Variants in DST observed in about 807,000 individuals in gnomAD.
The protein encoded by DST is bullous pemphigoid antigen.
DST carries 253 observed loss-of-function variants against 875.2 expected under a neutral mutation model. That is an observed-to-expected ratio of 0.29 (90% CI 0.26 to 0.32). The LOEUF (loss-of-function observed/expected upper bound fraction) is 0.32, where lower values mean the gene tolerates loss of function less well. DST is among the 10% of genes least tolerant of loss of function. The pLI is 1.00. For missense variants in DST, 8,287 were observed against 9,111.6 expected, an observed-to-expected ratio of 0.91 and a Z score of 3.68; for synonymous variants, 3,124 against 3,197.1, an observed-to-expected ratio of 0.98 and a Z score of 0.77.
At chr6:56,832,725 CTAAG>C (rs1196304444) in intron 4 of DST, among the ~76,000 whole-genome samples, 1 of 151,770 alleles carries the variant, frequency 6.6e-6, no homozygotes, top group Non-Finnish European at 1.5e-5. Flanking sequence ...TTTTTATCTA[CTAAG>C]TATTTTCAAT....
chr6:56,579,010 T>C lies in DST; in HGVS notation c.12904-73A>G, dbSNP rs1585407018. ...AGATTTCTAATGTGGAAAAAATGATTTCTAATAAGATAAAGTAAAATTGGA... is the reference window on the plus strand; with the variant it reads ...AGATTTCTAATGTGGAAAAAATGATCTCTAATAAGATAAAGTAAAATTGGA... On this transcript the variant is annotated intron_variant, in intron 49 of 103. Transcript: ENST00000680361. 3.1e-6 allele frequency: 4 copies of C among 1,304,802 alleles called. No homozygotes were observed. The East Asian group carries it at 7.8e-5, about 26-fold the overall frequency. The allele number at this position is 1,304,802 out of a possible 1,614,324, so 80.8% of individuals were successfully genotyped here. A position where few individuals can be genotyped will look rare whatever the true frequency, so the allele number is the denominator to read the frequency against.
chr6:56,932,704 T>C (rs1024080574), intron 2 of DST, among the ~76,000 whole-genome samples: 7 of 151,962 alleles, frequency 4.6e-5, no homozygotes, highest in African/African-American at 1.7e-4. Flanking sequence ...CACAAGGCTA[T>C]GGATACAAGA....
intron 86 of DST, among the ~76,000 whole-genome samples, chr6:56,488,451 C>T (rs2095634262): frequency 6.6e-6 from 1 of 152,152 alleles, no homozygotes; most frequent in South Asian, 2.1e-4. Flanking sequence ...TCACTGTGCT[C>T]CCAATATTGA....
In DST at chr6:56,629,205, T is replaced by C. The variant is rs377068568; in HGVS notation, c.4475+45A>G. The stretch of plus-strand genomic sequence containing the variant: ...GTAGATTTTACTCATTTACCATAGA[T>C]AGACATTAAATCTGTGCTAAAACTG... On this transcript the variant is annotated intron_variant, in intron 32 of 103. Transcript: ENST00000680361. 3.5e-5 allele frequency: 56 copies of C among 1,585,916 alleles called. No homozygotes were observed. The African/African-American group carries it at 3.9e-4, about 11-fold the overall frequency.
intron 102 of DST, among the ~76,000 whole-genome samples, chr6:56,462,339 A>G (rs1007204262): frequency 2.0e-5 from 3 of 152,196 alleles, no homozygotes; most frequent in African/African-American, 7.2e-5. Flanking sequence ...ATTTTATATC[A>G]CCTAAATATC....
chr6:56,481,909 A>C (rs2095414938), intron 90 of DST, 141 bp downstream of exon 90: 1 of 899,612 alleles, frequency 1.1e-6, no homozygotes, highest in Non-Finnish European at 1.7e-6. Flanking sequence ...TGTGGACAGA[A>C]GTACACTCTC....
At chr6:56,767,524 C>T (rs55667209) in intron 4 of DST, among the ~76,000 whole-genome samples, 8 of 151,832 alleles carry the variant, frequency 5.3e-5, no homozygotes, top group South Asian at 4.2e-4. Context: ...AGCTGAGATA[C>T]GAGAATTGCT....
chr6:56,645,723 T>G, intron 15 of DST, 143 bp downstream of exon 15: 2 of 953,010 alleles, frequency 2.1e-6, no homozygotes, highest in Non-Finnish European at 3.1e-6. Flanking sequence ...TAGAAGAGTT[T>G]CTAGGTAAGA....
chr6:56,607,851 T>C lies in DST; in HGVS notation c.6777A>G (p.Val2259=), dbSNP rs560909625. ...CTCTACCTGAAGCATTATTAAGAAA[T>C]ACACCAGATGAGCTTAAGACATCGA... The part of the protein sequence containing the change: ...ECLDVLSSSG[V]FLNNASGREK... Residue 2259 remains valine (V), a synonymous_variant, in exon 40 of 104, where the codon GTA becomes GTG. Transcript: ENST00000680361. 39 of 1,613,632 alleles carry C rather than the reference T, an allele frequency of 2.4e-5. No individual in the cohort carries two copies. In the Admixed American group the frequency reaches 4.5e-4, roughly 19 times the overall value.
chr6:56,812,226 T>C (rs2099761256), intron 4 of DST, among the ~76,000 whole-genome samples: 3 of 152,052 alleles, frequency 2.0e-5, no homozygotes, highest in Non-Finnish European at 2.9e-5. Flanking sequence ...GGATAGCATG[T>C]TTTTTAAACA....
chr6:56,624,535 C>G lies in DST; in HGVS notation c.4924G>C (p.Glu1642Gln). The G allele has an allele frequency of 1.2e-6, 2 of 1,607,074 alleles. No homozygotes were observed. Among genetic ancestry groups the G allele is most frequent in the Non-Finnish European group, 1.7e-6 (2 of 1,174,114 alleles). The change falls in exon 36 of 104, where the codon GAG becomes CAG. Residue 1642 changes from glutamate to glutamine, a missense_variant. By Grantham distance (29) the Glu-to-Gln change is conservative. Coordinates refer to ENST00000680361, the MANE Select transcript of DST (RefSeq NM_001374736.1). ...TGCTCACTGTTAATGATTACCTCCT[C>G]CTCTTCCAGCCTCTTCAATGAATCA... is the stretch of plus-strand genomic sequence containing the variant. ...AGDSLKRLEE[E>Q]EKSLEEEKKE... is the part of the protein sequence containing the mutation.
chr6:56,584,718 T>C (rs1373504070), intron 49 of DST, among the ~76,000 whole-genome samples: 1 of 152,130 alleles, frequency 6.6e-6, no homozygotes, highest in Non-Finnish European at 1.5e-5. Flanking sequence ...CAGTATGATA[T>C]TGGCTGTGGG....
intron 9 of DST, among the ~76,000 whole-genome samples, chr6:56,679,809 C>T (rs999954312): frequency 6.6e-6 from 1 of 151,972 alleles, no homozygotes; most frequent in African/African-American, 2.4e-5. Context: ...AAACTACCTA[C>T]CCTACCACAT....
rs1471852821 is a variant in DST at position 56,785,815 on chromosome 6, G to A, written c.626-50526C>T. The A allele has an allele frequency of 2.5e-5, 4 of 159,296 alleles. No individual in the cohort carries two copies. The South Asian group carries it at 6.0e-4, about 24-fold the overall frequency. 9.9% of individuals were successfully genotyped at this position (159,296 alleles called of 1,614,324 possible). ...ATCACCCGTCTTCTGCGTCGCTCAC[G>A]CTGGGAGATGCAGACCGGAGCTGTT... is the stretch of plus-strand genomic sequence containing the variant. On this transcript the variant is annotated intron_variant, in intron 4 of 103. Coordinates refer to ENST00000680361, the MANE Select transcript of DST (RefSeq NM_001374736.1).
intron 3 of DST, among the ~76,000 whole-genome samples, chr6:56,887,859 A>G (rs537491652): frequency 1.7e-4 from 26 of 152,302 alleles, no homozygotes; most frequent in African/African-American, 6.0e-4. Context: ...CATTCAATAC[A>G]GTCTACCTAC....
At chr6:56,769,819 C>T (rs2099644619) in intron 4 of DST, among the ~76,000 whole-genome samples, 1 of 152,124 alleles carries the variant, frequency 6.6e-6, no homozygotes, top group African/African-American at 2.4e-5. Context: ...AGTTGAGACC[C>T]CGTTTCACAA....
Position 56,460,122 on chromosome 6 carries a change from C to A in DST, c.23194+9G>T, listed in dbSNP as rs773585324. 4 of 1,604,248 alleles carry A rather than the reference C, an allele frequency of 2.5e-6. No individual in the cohort carries two copies. In the Admixed American group the frequency reaches 6.7e-5, roughly 27 times the overall value. On this transcript the variant is annotated intron_variant, in intron 103 of 103. Transcript: ENST00000680361. ...AAAGCCATTGAAAAAAGAAAGGCAC[C>A]ACACTCACCAGCAAACTGTGTTCGG... is the stretch of plus-strand genomic sequence containing the variant.
chr6:56,932,297 T>C (rs1054309253), intron 2 of DST, among the ~76,000 whole-genome samples: 4 of 152,222 alleles, frequency 2.6e-5, no homozygotes, highest in Admixed American at 1.3e-4. Flanking sequence ...CTTCCCGCCA[T>C]GATTCTGAGG....
chr6:56,677,274 T>A (rs2099135691), intron 9 of DST, among the ~76,000 whole-genome samples: 1 of 152,128 alleles, frequency 6.6e-6, no homozygotes, highest in Non-Finnish European at 1.5e-5. Context: ...TACTTATCTA[T>A]CTATCCATTT....
Sources: gnomAD v4.1 joint callset for allele counts (sites outside exome capture counted in the v4.1 genomes callset) on GRCh38, gnomAD v4.1.1 for gene constraint, MANE v1.5 for transcripts, NCBI Gene and HGNC (gene_info 2026-07-23, HGNC 2026-07-21) for gene names.